The following RUVBL2 variants were observed in gnomAD, a reference collection of about 807,000 sequenced individuals.
RUVBL2 encodes ruvB-like 2.
Under a neutral mutation model 57.9 loss-of-function variants are expected in RUVBL2, and 9 were observed. The observed-to-expected ratio is 0.16, with a 90% CI of 0.09 to 0.27. RUVBL2 has a LOEUF of 0.27. Ranked by LOEUF, RUVBL2 falls within the 10% of genes least tolerant of loss-of-function variation. RUVBL2 has a pLI of 1.00. For synonymous variants in RUVBL2, 278 were observed against 264.6 expected (o/e 1.05, Z -0.49); for missense variants, 456 against 669.6 (o/e 0.68, Z 3.52).
chr19:49,006,163 G>A (rs561968227), intron 4 of RUVBL2, among the ~76,000 whole-genome samples: 1 of 152,384 alleles, frequency 6.6e-6, no homozygotes, highest in East Asian at 1.9e-4. Flanking sequence ...TACTTGCTGA[G>A]TTCTGTGATG....
chr19:49,010,092 C>G (rs2287760), intron 8 of RUVBL2, 26 bp downstream of exon 8: 949,319 of 1,601,960 alleles, frequency 0.59, 282,421 homozygotes, highest in African/African-American at 0.63. Context: ...CCGGGATCCC[C>G]TCGCCCCCAG....
At chr19:49,010,467 T>TCGC in intron 8 of RUVBL2, 21 bp from the exon 9 acceptor site, 5 of 1,401,202 alleles carry the variant, frequency 3.6e-6, no homozygotes, top group Non-Finnish European at 5.0e-6. Flanking sequence ...CCGCCGTTCT[T>TCGC]CCCCCACCCC....
chr19:49,011,578 C>T lies in RUVBL2; in HGVS notation c.1001+268C>T, dbSNP rs2039429988. Among the ~76,000 whole-genome samples the T allele has an allele frequency of 6.6e-6, 1 of 152,240 alleles. No homozygotes were observed. Among genetic ancestry groups the T allele is most frequent in the Non-Finnish European group, 1.5e-5 (1 of 68,054 alleles). On this transcript the variant is annotated intron_variant, in intron 11 of 14. Coordinates refer to ENST00000595090, the MANE Select transcript of RUVBL2 (RefSeq NM_006666.3). The surrounding 1 kb of genome is among the most constrained non-coding windows in gnomAD (Gnocchi z 4.4). ...CTGCGTGCCGAGGCACCCCAGGGTG[C>T]TGCAGGAAACTCACAGGAGTGCTGT... is the stretch of plus-strand genomic sequence containing the variant.
chr19:49,015,078 C>T lies in RUVBL2; in HGVS notation c.1179C>T (p.Ile393=), dbSNP rs769646568. The T allele has an allele frequency of 1.9e-5, 30 of 1,609,416 alleles. No individual in the cohort carries two copies. The highest frequency in any genetic ancestry group is 1.6e-4 in the Middle Eastern group (1 of 6,076). ...SEDAYTVLTR[I]GLETSLRYAI... The stretch of plus-strand genomic sequence containing the variant: ...ACGCCTACACGGTGCTGACCCGCAT[C>T]GGGCTGGAGACGTCACTGCGCTACG... Residue 393 remains isoleucine (I), a synonymous_variant, in exon 13 of 15, where the codon ATC becomes ATT. Coordinates refer to ENST00000595090, the MANE Select transcript of RUVBL2 (RefSeq NM_006666.3).
rs991523478 is a variant in RUVBL2 at position 49,015,723 on chromosome 19, C to T, written c.1366+37C>T. The T allele has an allele frequency of 6.2e-6, 10 of 1,611,156 alleles. No homozygotes were observed. The African/African-American group carries it at 1.3e-4, about 22-fold the overall frequency. ...CACCCCGCACCTGCACTGCCAGAGCCAACCTCAGAGGGAGGAAGAGGGAGC... is the reference window on the plus strand; with the variant it reads ...CACCCCGCACCTGCACTGCCAGAGCTAACCTCAGAGGGAGGAAGAGGGAGC... On this transcript the variant is annotated intron_variant, in intron 14 of 14. Coordinates refer to ENST00000595090, the MANE Select transcript of RUVBL2 (RefSeq NM_006666.3).
rs2039430098 is a variant in RUVBL2, at chr19:49,011,584, G to T, written c.1001+274G>T. Among the ~76,000 whole-genome samples, 1 of 152,248 alleles carries T rather than the reference G, an allele frequency of 6.6e-6. No individual in the cohort carries two copies. The highest frequency in any genetic ancestry group is 2.4e-5 in the African/African-American group (1 of 41,458). On this transcript the variant is annotated intron_variant, in intron 11 of 14. Coordinates refer to ENST00000595090, the MANE Select transcript of RUVBL2 (RefSeq NM_006666.3). This position sits in a 1 kb window ranked among gnomAD's most constrained non-coding sequence, Gnocchi z 4.4. ...GCCGAGGCACCCCAGGGTGCTGCAGGAAACTCACAGGAGTGCTGTGGGATG... is the reference window on the plus strand; with the variant it reads ...GCCGAGGCACCCCAGGGTGCTGCAGTAAACTCACAGGAGTGCTGTGGGATG...
intron 11 of RUVBL2, among the ~76,000 whole-genome samples, chr19:49,013,498 C>A (rs567553443): frequency 6.6e-6 from 1 of 152,046 alleles, no homozygotes; most frequent in Non-Finnish European, 1.5e-5. Flanking sequence ...GGCTGTGAAG[C>A]CTGACGGAGA....
intron 11 of RUVBL2, among the ~76,000 whole-genome samples, chr19:49,013,501 G>A (rs957018708): frequency 6.6e-6 from 1 of 152,138 alleles, no homozygotes; most frequent in Admixed American, 6.5e-5. Context: ...TGTGAAGCCT[G>A]ACGGAGAAAA....
rs186078601 is a variant in RUVBL2, at chr19:49,008,704, G to A, written c.463-1072G>A. On this transcript the variant is annotated intron_variant, in intron 6 of 14. Transcript: ENST00000595090. ...TACTAAAAATACAAAATGGCTGGGCGCGGTGGTTCATGCCTATAATCCCAG... is the reference window on the plus strand; with the variant it reads ...TACTAAAAATACAAAATGGCTGGGCACGGTGGTTCATGCCTATAATCCCAG... Among the ~76,000 whole-genome samples the A allele has an allele frequency of 3.6e-4, 54 of 151,692 alleles. No individual in the cohort carries two copies. In the East Asian group the frequency reaches 5.9e-3, roughly 16 times the overall value.
At chr19:48,998,535 A>G (rs1017652614) in intron 1 of RUVBL2, among the ~76,000 whole-genome samples, 2 of 151,716 alleles carry the variant, frequency 1.3e-5, no homozygotes, top group African/African-American at 4.8e-5. Flanking sequence ...GCGAAACCCC[A>G]TCTCTATTAA....
At chr19:48,997,374 A>C (rs943923739) in intron 1 of RUVBL2, among the ~76,000 whole-genome samples, 4 of 152,134 alleles carry the variant, frequency 2.6e-5, no homozygotes, top group African/African-American at 9.7e-5. Context: ...CTATAACCCC[A>C]ACGCTTTGGG....
intron 1 of RUVBL2, 105 bp from the exon 2 acceptor site, chr19:48,999,213 TG>T: frequency 8.2e-7 from 1 of 1,214,148 alleles, no homozygotes; most frequent in Admixed American, 1.7e-5. Context: ...ATCGCCTGCC[TG>T]TGAGGGGAAG....
chr19:49,013,301 T>C (rs2039472715), intron 11 of RUVBL2, among the ~76,000 whole-genome samples: 1 of 150,774 alleles, frequency 6.6e-6, no homozygotes, highest in African/African-American at 2.4e-5. Context: ...TGTTTTGCCA[T>C]GTTGCCCAGG....
At chr19:49,015,317 T>C in intron 13 of RUVBL2, 167 bp downstream of exon 13, 2 of 903,614 alleles carry the variant, frequency 2.2e-6, no homozygotes. Context: ...CTATAGTAGG[T>C]ATCAGTAAAT....
rs1329295142 is a variant in RUVBL2 at position 49,004,438 on chromosome 19, A to C, written c.265+20A>C. ...CCATGGGTAAGAAACCTCCCAGGGC[A>C]GGAACTCTCCTGTTTCCTGCTAAAT... On this transcript the variant is annotated intron_variant, in intron 4 of 14. Transcript: ENST00000595090. The C allele has an allele frequency of 7.5e-6, 12 of 1,605,198 alleles. No individual in the cohort carries two copies. The highest frequency in any genetic ancestry group is 1.1e-5 in the South Asian group (1 of 90,518).
At chr19:49,007,761 G>A (rs144494573) in intron 6 of RUVBL2, among the ~76,000 whole-genome samples, 12,538 of 152,014 alleles carry the variant, frequency 0.082, 552 homozygotes, top group Middle Eastern at 0.095. Context: ...CTGGAATGCA[G>A]TGGTGCAATC....
intron 8 of RUVBL2, chr19:49,010,270 G>A: frequency 1.5e-6 from 1 of 687,412 alleles, no homozygotes; most frequent in Non-Finnish European, 2.4e-6. Context: ...GTGGCCTGTG[G>A]CTTCTAAGGT....
At chr19:49,008,947 C>A (rs540588578) in intron 6 of RUVBL2, among the ~76,000 whole-genome samples, 1 of 151,884 alleles carries the variant, frequency 6.6e-6, no homozygotes, top group African/African-American at 2.4e-5. Context: ...CCATTGCACT[C>A]CAGCCTGGGC....
intron 6 of RUVBL2, 49 bp downstream of exon 6, chr19:49,007,417 GGT>G: frequency 6.5e-7 from 1 of 1,547,018 alleles, no homozygotes; most frequent in Non-Finnish European, 8.9e-7. Context: ...CCAGCGCCAG[GGT>G]TGGAGAGAGT....
Sources: gnomAD v4.1 joint callset for allele counts (sites outside exome capture counted in the v4.1 genomes callset) on GRCh38, gnomAD v4.1.1 for gene constraint, Gnocchi (gnomAD v3.1) non-coding constraint, MANE v1.5 for transcripts, NCBI Gene and HGNC (gene_info 2026-07-23, HGNC 2026-07-21) for gene names.